Variants in MAP4 observed in about 807,000 individuals in gnomAD.
MAP4 encodes microtubule-associated protein 4.
A neutral mutation model predicts 170.2 loss-of-function variants in MAP4; 76 were observed. That is an observed-to-expected ratio of 0.45 (90% CI 0.37 to 0.54). The LOEUF (loss-of-function observed/expected upper bound fraction) is 0.54. Among genes scored for constraint, MAP4 ranks in the 20% least tolerant of loss-of-function variants. The probability of loss-of-function intolerance (pLI) is 0.00; values close to 1 mark genes in which losing one functional copy is unlikely to be tolerated. For missense variants in MAP4, 2,506 were observed against 2,748.0 expected, an observed-to-expected ratio of 0.91 and a Z score of 1.97; for synonymous variants, 909 against 994.5, an observed-to-expected ratio of 0.91 and a Z score of 1.62.
intron 1 of MAP4, among the ~76,000 whole-genome samples, chr3:48,062,516 AAC>A (rs1491110914): frequency 9.3e-5 from 14 of 150,234 alleles, no homozygotes; most frequent in South Asian, 8.4e-4. Context: ...AAAAAAAAAA[AAC>A]ATCACTATGT....
intron 1 of MAP4, among the ~76,000 whole-genome samples, chr3:48,028,452 T>C (rs1579371618): frequency 6.6e-6 from 1 of 151,692 alleles, no homozygotes; most frequent in South Asian, 2.1e-4. Flanking sequence ...ACAGGAAAGG[T>C]GTGAGAGGGA....
At chr3:48,024,695 C>T (rs1559811520) in intron 1 of MAP4, among the ~76,000 whole-genome samples, 1 of 152,178 alleles carries the variant, frequency 6.6e-6, no homozygotes, top group Non-Finnish European at 1.5e-5. Context: ...CACTGAAATG[C>T]TAGTTATGTT....
intron 3 of MAP4, among the ~76,000 whole-genome samples, chr3:47,956,473 C>T (rs996815250): frequency 6.6e-6 from 1 of 152,138 alleles, no homozygotes; most frequent in African/African-American, 2.4e-5. Context: ...GAGGGCAGAA[C>T]GTTGAGGGGT....
At chr3:47,943,945 A>G (rs1248837239) in intron 3 of MAP4, among the ~76,000 whole-genome samples, 1 of 151,958 alleles carries the variant, frequency 6.6e-6, no homozygotes, top group Non-Finnish European at 1.5e-5. Context: ...TACCTCCTAC[A>G]ACACTTGATT....
chr3:48,044,508 T>C (rs2100123361), intron 1 of MAP4, among the ~76,000 whole-genome samples: 1 of 149,836 alleles, frequency 6.7e-6, no homozygotes, highest in South Asian at 2.3e-4. Flanking sequence ...CTCATGCCTG[T>C]AATCCCAGCA....
intron 10 of MAP4, among the ~76,000 whole-genome samples, chr3:47,885,730 C>CT (rs1163508790): frequency 2.1e-3 from 297 of 138,444 alleles, no homozygotes; most frequent in Middle Eastern, 3.8e-3. Flanking sequence ...CGCCTTTGTT[C>CT]TTTTTTTTTT....
At chr3:47,928,110 A>G (rs956258428) in intron 4 of MAP4, 118 bp downstream of exon 4, 5 of 1,219,446 alleles carry the variant, frequency 4.1e-6, no homozygotes, top group South Asian at 1.5e-5. Context: ...ACCAATGCTA[A>G]GGTTGTACTT....
At chr3:47,891,154 ATCAAT>A in intron 10 of MAP4, 2 of 1,536,248 alleles carry the variant, frequency 1.3e-6, no homozygotes, top group Non-Finnish European at 1.7e-6. Context: ...GCGAGCATGA[ATCAAT>A]TCTAGTTTCA....
At chr3:48,051,182 G>C (rs1298255291) in intron 1 of MAP4, among the ~76,000 whole-genome samples, 2 of 151,806 alleles carry the variant, frequency 1.3e-5, no homozygotes, top group Admixed American at 6.6e-5. Flanking sequence ...GGAGGCCAAG[G>C]TGGATGGATC....
At chr3:47,879,886 G>A (rs1334931019) in intron 10 of MAP4, among the ~76,000 whole-genome samples, 5 of 152,138 alleles carry the variant, frequency 3.3e-5, no homozygotes, top group Non-Finnish European at 7.3e-5. Context: ...AGTGGTGCAA[G>A]TAGATATCCT....
chr3:48,060,665 G>C (rs1175343167), intron 1 of MAP4, among the ~76,000 whole-genome samples: 1 of 151,722 alleles, frequency 6.6e-6, no homozygotes, highest in African/African-American at 2.4e-5. Flanking sequence ...TATAATCCCA[G>C]CACTTTGGGA....
At chr3:47,871,150 A>G in intron 14 of MAP4, 45 bp from the exon 15 acceptor site, 1 of 1,611,122 alleles carries the variant, frequency 6.2e-7, no homozygotes, top group Non-Finnish European at 8.5e-7. Flanking sequence ...AGGGAGAGAG[A>G]GAAAAAGGGA....
chr3:48,078,232 T>C (rs546849396), intron 1 of MAP4, among the ~76,000 whole-genome samples: 1 of 152,198 alleles, frequency 6.6e-6, no homozygotes, highest in South Asian at 2.1e-4. Context: ...TCTCAAATTC[T>C]TTGGCTCAAG....
intron 5 of MAP4, among the ~76,000 whole-genome samples, chr3:47,921,096 C>A (rs528501703): frequency 6.6e-6 from 1 of 152,032 alleles, no homozygotes; most frequent in African/African-American, 2.4e-5. Context: ...TGCAGTGGGC[C>A]GTGATCGCAT....
At chr3:47,869,403 G>T (rs778226114) in intron 15 of MAP4, 76 bp from the exon 16 acceptor site, 7 of 983,820 alleles carry the variant, frequency 7.1e-6, no homozygotes, top group Non-Finnish European at 1.1e-5. Context: ...GAAGAAGGCT[G>T]TAGGGGACTC....
At chr3:47,959,458 G>GA (rs1053582528) in intron 3 of MAP4, among the ~76,000 whole-genome samples, 177 of 135,718 alleles carry the variant, frequency 1.3e-3, no homozygotes, top group South Asian at 5.1e-3. Context: ...ATTTTCAAGG[G>GA]AAAAAAAAAA....
intron 19 of MAP4, 33 bp from the exon 20 acceptor site, chr3:47,853,385 G>C: frequency 6.8e-7 from 1 of 1,476,386 alleles, no homozygotes; most frequent in Non-Finnish European, 9.2e-7. Context: ...ACAGTGCAGG[G>C]TCAGTCGAGG....
rs915733923 is a variant in MAP4, at chr3:47,888,207, G to A, written c.5435-10684C>T. On this transcript the variant is annotated intron_variant, in intron 10 of 20. Coordinates refer to ENST00000683076, the MANE Select transcript of MAP4 (RefSeq NM_001385682.1). ...AGTGCCCTGACAAAACAGGCCACTC[G>A]GCTCTACCAATCAGCAGGATGTGGG... 2.0e-5 allele frequency among the ~76,000 whole-genome samples: 3 copies of A among 152,242 alleles called. No individual in the cohort carries two copies. The East Asian group carries it at 5.8e-4, about 29-fold the overall frequency.
At chr3:47,862,342 G>C (rs1467252499) in intron 17 of MAP4, among the ~76,000 whole-genome samples, 5 of 93,292 alleles carry the variant, frequency 5.4e-5, no homozygotes, top group Non-Finnish European at 5.5e-5. Flanking sequence ...GCGAGACTGT[G>C]TCTCAAAAAA....
Sources: allele counts gnomAD v4.1 joint callset (sites outside exome capture counted in the v4.1 genomes callset), GRCh38; gene constraint gnomAD v4.1.1; transcripts MANE v1.5; gene names NCBI Gene and HGNC (gene_info 2026-07-23, HGNC 2026-07-21).